SYNE1: variants seen among roughly 807,000 people sequenced by gnomAD.
SYNE1 encodes the protein nesprin-1.
In SYNE1, 616 loss-of-function variants were observed where a neutral mutation model predicts 1,111.0. The observed-to-expected ratio is 0.55, with a 90% CI of 0.52 to 0.59. The LOEUF (loss-of-function observed/expected upper bound fraction) is 0.59. Among genes scored for constraint, SYNE1 ranks in the 20% least tolerant of loss-of-function variants. The probability of loss-of-function intolerance (pLI) is 0.00; values close to 1 mark genes in which losing one functional copy is unlikely to be tolerated. For synonymous variants in SYNE1, 3,855 were observed against 3,825.8 expected, an observed-to-expected ratio of 1.01 and a Z score of -0.28; for missense variants, 10,006 against 10,417.0, an observed-to-expected ratio of 0.96 and a Z score of 1.72.
intron 5 of SYNE1, among the ~76,000 whole-genome samples, chr6:152,524,769 T>C (rs1216490544): frequency 1.3e-5 from 2 of 152,144 alleles, no homozygotes; most frequent in African/African-American, 4.8e-5. Context: ...TTACTGCTAT[T>C]GGCAACTGGA....
chr6:152,400,740 A>G (rs17082630), intron 47 of SYNE1, among the ~76,000 whole-genome samples: 314 of 152,248 alleles, frequency 2.1e-3, no homozygotes, highest in African/African-American at 7.4e-3. Flanking sequence ...AATATACATT[A>G]TCTGGATGAA....
chr6:152,350,194 T>C lies in SYNE1; in HGVS notation c.11875A>G (p.Ile3959Val). 6.2e-7 allele frequency: 1 copy of C among 1,613,632 alleles called. No individual in the cohort carries two copies. The highest frequency in any genetic ancestry group is 1.8e-4 in the Middle Eastern group (1 of 5,698). ...TTGTGGTGGGCCAATTGCTGGGTGA[T>C]TGTCTCCAGGCTGCTTGTCTCCAGG... is the stretch of plus-strand genomic sequence containing the variant. ...DLLETSSLET[I>V]TQQLAHHKAM... Residue 3959 changes from isoleucine (I) to valine (V), a missense_variant, in exon 72 of 146, where the codon ATC (isoleucine) becomes GTC (valine). Around this residue, in one of 7 missense-constraint regions of SYNE1, gnomAD observed 4,955 missense variants for 5,017.2 expected, o/e 0.99. Transcript: ENST00000367255.
intron 81 of SYNE1, 68 bp downstream of exon 81, chr6:152,325,016 T>C: frequency 1.3e-6 from 2 of 1,575,000 alleles, no homozygotes; most frequent in Admixed American, 1.7e-5. Flanking sequence ...AGGGGCAAAA[T>C]ACTGTGTTTC....
At chr6:152,279,147 C>CTTT (rs59520598) in intron 97 of SYNE1, among the ~76,000 whole-genome samples, 27 of 112,688 alleles carry the variant, frequency 2.4e-4, no homozygotes, top group South Asian at 5.8e-4. Flanking sequence ...CTTTTCTTTT[C>CTTT]TTTTTTTTTT....
chr6:152,456,747 A>ATGAGT (rs1266211009), intron 22 of SYNE1: 1 of 449,414 alleles, frequency 2.2e-6, no homozygotes, highest in Non-Finnish European at 4.5e-6. Context: ...GCCCAGCACA[A>ATGAGT]GGCAGAGGGT....
intron 18 of SYNE1, 75 bp from the exon 19 acceptor site, chr6:152,463,592 AG>A: frequency 8.1e-7 from 1 of 1,233,874 alleles, no homozygotes; most frequent in Non-Finnish European, 1.2e-6. Flanking sequence ...TGACTAAAGT[AG>A]GAAAAATATT....
chr6:152,221,875 T>C (rs757515430), intron 117 of SYNE1, among the ~76,000 whole-genome samples: 1 of 152,186 alleles, frequency 6.6e-6, no homozygotes. Context: ...GGTAAATTCC[T>C]CTTCAAAGGG....
intron 118 of SYNE1, 36 bp downstream of exon 118, chr6:152,221,390 G>T: frequency 6.2e-7 from 1 of 1,605,412 alleles, no homozygotes. Flanking sequence ...ATAAGGCTGT[G>T]ATATAAATAG....
At chr6:152,326,684 G>A in intron 78 of SYNE1, 51 bp from the exon 79 acceptor site, 2 of 1,548,198 alleles carry the variant, frequency 1.3e-6, no homozygotes, top group African/African-American at 2.7e-5. Flanking sequence ...CAATGTGTTT[G>A]CAGGAAAGAG....
chr6:152,387,057 A>G lies in SYNE1; in HGVS notation c.8487+15T>C. 1.9e-6 allele frequency: 3 copies of G among 1,606,376 alleles called. No individual in the cohort carries two copies. The highest frequency in any genetic ancestry group is 2.6e-6 in the Non-Finnish European group (3 of 1,174,734). On this transcript the variant is annotated intron_variant, in intron 54 of 145. Coordinates refer to ENST00000367255, the MANE Select transcript of SYNE1 (RefSeq NM_182961.4). ...ATGTATTATAAAGCATCTACTTTCA[A>G]TATAAAGCACTAACCTTGGCAACAG...
intron 126 of SYNE1, among the ~76,000 whole-genome samples, chr6:152,202,346 C>CAAAAAAAAAAAAAAAAAAAAAAAAAG (rs35563822): frequency 2.1e-5 from 1 of 48,042 alleles, no homozygotes; most frequent in Non-Finnish European, 3.9e-5. Flanking sequence ...GACTCTGTCT[C>CAAAAAAAAAAAAAAAAAAAAAAAAAG]AAAAAAAAAA....
chr6:152,383,182 T>C (rs978510101), intron 55 of SYNE1, among the ~76,000 whole-genome samples: 1 of 152,248 alleles, frequency 6.6e-6, no homozygotes, highest in Non-Finnish European at 1.5e-5. Flanking sequence ...TCCCAATTTC[T>C]TTCTGCCAAT....
intron 3 of SYNE1, among the ~76,000 whole-genome samples, chr6:152,584,111 T>G (rs2099529439): frequency 6.6e-6 from 1 of 152,200 alleles, no homozygotes; most frequent in African/African-American, 2.4e-5. Flanking sequence ...ATTATGACAC[T>G]TGTGCCTCGA....
chr6:152,329,764 T>C lies in SYNE1; in HGVS notation c.14921A>G (p.Asp4974Gly). The C allele has an allele frequency of 6.2e-7, 1 of 1,614,242 alleles. No individual in the cohort carries two copies. Among genetic ancestry groups the C allele is most frequent in the Non-Finnish European group, 8.5e-7 (1 of 1,180,046 alleles). ...GCGTAAGGCTTCCTGGATGTCTCCA[T>C]CCAGCTCTGAGAGCTCAGCGAGGCT... The part of the protein sequence containing the change: ...EHSLAELSEL[D>G]GDIQEALRTR... Residue 4974 changes from aspartate (D) to glycine (G), a missense_variant, in exon 78 of 146, where the codon GAT becomes GGT. By Grantham distance (94) the Asp-to-Gly change is moderately conservative. This residue lies in a region of SYNE1 where 4,955 missense variants were observed against 5,017.2 expected (regional missense o/e 0.99). Coordinates refer to ENST00000367255, the MANE Select transcript of SYNE1 (RefSeq NM_182961.4).
rs1432898834 is a variant in SYNE1, at chr6:152,247,750, T to TATATATAC, written c.19572+1410_19572+1411insGTATATAT. Among the ~76,000 whole-genome samples the TATATATAC allele has an allele frequency of 4.1e-3, 464 of 112,338 alleles. 4 individuals carry two copies. Among genetic ancestry groups the TATATATAC allele is most frequent in the African/African-American group, 0.015 (410 of 27,944 alleles). The allele number at this position is 112,338 out of a possible 152,430, so 73.7% of individuals were successfully genotyped here. On this transcript the variant is annotated intron_variant, in intron 105 of 145. Transcript: ENST00000367255. ...TATTATATATATATATATATATATA[T>TATATATAC]ACACACACACACACACACACACACA...
chr6:152,466,800 G>A (rs6932644), intron 16 of SYNE1, among the ~76,000 whole-genome samples: 1 of 151,992 alleles, frequency 6.6e-6, no homozygotes, highest in South Asian at 2.1e-4. Flanking sequence ...ATTACTTCTT[G>A]AAAGTAGAAA....
chr6:152,182,101 C>T (rs2068245732), intron 128 of SYNE1, among the ~76,000 whole-genome samples: 1 of 152,138 alleles, frequency 6.6e-6, no homozygotes, highest in South Asian at 2.1e-4. Flanking sequence ...ATTAGATTGC[C>T]TTTTTATTAC....
At chr6:152,173,511 C>A (rs2065699982) in intron 130 of SYNE1, among the ~76,000 whole-genome samples, 1 of 152,202 alleles carries the variant, frequency 6.6e-6, no homozygotes, top group Non-Finnish European at 1.5e-5. Flanking sequence ...AAACCTAATA[C>A]TTCAGCTGGC....
chr6:152,206,389 T>C (rs1380303942), intron 125 of SYNE1, 27 bp from the exon 126 acceptor site: 1 of 1,612,058 alleles, frequency 6.2e-7, no homozygotes, highest in Non-Finnish European at 8.5e-7. Flanking sequence ...CTTTTTATTT[T>C]CTCATTCTTT....
Sources: gnomAD v4.1 joint callset for allele counts (sites outside exome capture counted in the v4.1 genomes callset) on GRCh38, gnomAD v4.1.1 for gene constraint, gnomAD v4.1.1 regional missense constraint, MANE v1.5 for transcripts, NCBI Gene and HGNC (gene_info 2026-07-23, HGNC 2026-07-21) for gene names.